The following OLFML2B variants were observed in gnomAD, a reference collection of about 807,000 sequenced individuals.
OLFML2B encodes the protein olfactomedin like 2B.
A neutral mutation model predicts 74.9 loss-of-function variants in OLFML2B; 57 were observed. The observed-to-expected ratio is 0.76, with a 90% CI of 0.61 to 0.95. OLFML2B has a LOEUF of 0.95. OLFML2B is among the 40% of genes least tolerant of loss of function. The pLI is 0.00. For missense variants in OLFML2B, 986 were observed against 970.6 expected, an observed-to-expected ratio of 1.02 and a Z score of -0.21; for synonymous variants, 388 against 405.8, an observed-to-expected ratio of 0.96 and a Z score of 0.53.
At chr1:162,015,683 A>C (rs1295512780) in intron 3 of OLFML2B, among the ~76,000 whole-genome samples, 4 of 152,226 alleles carry the variant, frequency 2.6e-5, no homozygotes, top group African/African-American at 7.2e-5. Flanking sequence ...GGTTTTAACT[A>C]GGAGGAAGAG....
chr1:161,987,591 C>T (rs1372281981), intron 6 of OLFML2B, among the ~76,000 whole-genome samples: 1 of 152,116 alleles, frequency 6.6e-6, no homozygotes, highest in African/African-American at 2.4e-5. Flanking sequence ...AAGAACCAGC[C>T]CTTCTGATAC....
chr1:162,009,455 C>T (rs1690315851), intron 3 of OLFML2B, among the ~76,000 whole-genome samples: 1 of 152,218 alleles, frequency 6.6e-6, no homozygotes, highest in African/African-American at 2.4e-5. Flanking sequence ...AAGGGTGCCC[C>T]CCCAACCCCG....
At chr1:162,005,902 C>CTAAAAAAAAAAAA (rs368990706) in intron 4 of OLFML2B, among the ~76,000 whole-genome samples, 1 of 77,878 alleles carries the variant, frequency 1.3e-5, no homozygotes, top group African/African-American at 3.4e-5. Context: ...TGGAACCTAT[C>CTAAAAAAAAAAAA]AAAAAAAAAA....
At chr1:161,998,381 C>G (rs759320872) in intron 5 of OLFML2B, 32 bp from the exon 6 acceptor site, 1 of 1,527,272 alleles carries the variant, frequency 6.5e-7, no homozygotes, top group African/African-American at 1.4e-5. Flanking sequence ...CACTGTGGCA[C>G]GGGAAAGAAA....
At chr1:162,010,909 T>C (rs1690361485) in intron 3 of OLFML2B, among the ~76,000 whole-genome samples, 1 of 151,810 alleles carries the variant, frequency 6.6e-6, no homozygotes, top group Non-Finnish European at 1.5e-5. Context: ...CAGAGATGGA[T>C]AAGGGGCTGC....
chr1:162,017,470 T>C lies in OLFML2B; in HGVS notation c.476A>G (p.Tyr159Cys), dbSNP rs1690572805. The change falls in exon 3 of 8, where the codon TAT becomes TGT. Residue 159 changes from tyrosine (Y) to cysteine (C), a missense_variant. By Grantham distance (194) the Tyr-to-Cys change is radical (BLOSUM62 -2). Coordinates refer to ENST00000294794, the MANE Select transcript of OLFML2B (RefSeq NM_015441.3). ...ATGTAGCTTCAGGAGATCCAGGCCA[T>C]AGAACGCTCCTTCCAACATGTCTAT... The part of the protein sequence containing the change: ...TIIDMLEGAF[Y>C]GLDLLKLHSV... The C allele has an allele frequency of 1.2e-6, 2 of 1,613,230 alleles. No individual in the cohort carries two copies. Among genetic ancestry groups the C allele is most frequent in the African/African-American group, 1.3e-5 (1 of 74,882 alleles).
At chr1:162,007,680 A>G (rs1431398670) in intron 3 of OLFML2B, among the ~76,000 whole-genome samples, 1 of 152,168 alleles carries the variant, frequency 6.6e-6, no homozygotes, top group East Asian at 1.9e-4. Flanking sequence ...GGATGCTACT[A>G]ACATCCTAGA....
At position 161,983,515 on chromosome 1, in the gene OLFML2B, T is replaced by TA. The variant is rs992234428; in HGVS notation, c.*159dup. On this transcript the variant is annotated 3_prime_UTR_variant, in exon 8 of 8. Transcript: ENST00000294794. ...CGTATGGATTGATCTACAATCCATA[T>TA]AAAAAAATAGACCCAAATTGTCATT... 1.3e-4 allele frequency: 99 copies of TA among 761,624 alleles called. No homozygotes were observed. The Middle Eastern group carries it at 4.3e-3, about 33-fold the overall frequency. The allele number at this position is 761,624 out of a possible 1,614,324, so 47.2% of individuals were successfully genotyped here.
rs986938422 is a variant in OLFML2B, at chr1:161,983,827, C to T, written c.2101G>A (p.Asp701Asn). 26 of 1,613,996 alleles carry T rather than the reference C, an allele frequency of 1.6e-5. No individual in the cohort carries two copies. The highest frequency in any genetic ancestry group is 2.2e-5 in the East Asian group (1 of 44,878). Reference protein sequence around the residue: ...QRNANISYAFDTHTNTQIVPR... With the variant: ...QRNANISYAFNTHTNTQIVPR... ...ACGATCTGTGTGTTGGTGTGGGTGT[C>T]GAAAGCGTAGGAGATGTTGGCATTC... The change falls in exon 8 of 8, where the codon GAC (aspartate) becomes AAC (asparagine). Residue 701 changes from aspartate (D) to asparagine (N), a missense_variant. Transcript: ENST00000294794.
intron 6 of OLFML2B, among the ~76,000 whole-genome samples, chr1:161,994,092 G>A (rs900686090): frequency 6.6e-6 from 1 of 152,226 alleles, no homozygotes; most frequent in African/African-American, 2.4e-5. Context: ...TGTGTTATAC[G>A]ATGACTGGAT....
At chr1:162,010,024 G>A (rs551711487) in intron 3 of OLFML2B, among the ~76,000 whole-genome samples, 1 of 152,254 alleles carries the variant, frequency 6.6e-6, no homozygotes, top group Non-Finnish European at 1.5e-5. Context: ...GGGCAGTGCT[G>A]GCAATGTGGC....
At chr1:162,005,444 G>A (rs553813321) in intron 4 of OLFML2B, among the ~76,000 whole-genome samples, 179 of 152,284 alleles carry the variant, frequency 1.2e-3, no homozygotes, top group Middle Eastern at 0.01. Flanking sequence ...ATTGATCTCC[G>A]TCTGGCCTGC....
intron 3 of OLFML2B, among the ~76,000 whole-genome samples, chr1:162,015,632 G>T (rs1240348312): frequency 6.6e-6 from 1 of 152,162 alleles, no homozygotes; most frequent in Non-Finnish European, 1.5e-5. Flanking sequence ...ATTGGACCTT[G>T]GTTTAATTCC....
chr1:162,022,717 C>T (rs1169035692), intron 1 of OLFML2B, among the ~76,000 whole-genome samples: 1 of 152,142 alleles, frequency 6.6e-6, no homozygotes, highest in African/African-American at 2.4e-5. Flanking sequence ...CTGCCTGCAT[C>T]TGCATTCCCA....
chr1:162,004,587 A>G (rs1182285931), intron 4 of OLFML2B, among the ~76,000 whole-genome samples: 1 of 152,132 alleles, frequency 6.6e-6, no homozygotes, highest in Non-Finnish European at 1.5e-5. Context: ...CCTTTGGAAC[A>G]TGTGTGCCCA....
In OLFML2B at chr1:162,006,444, A is replaced by C. The variant is rs12022536; in HGVS notation, c.576T>G (p.Asn192Lys). Residue 192 changes from asparagine (N) to lysine (K), a missense_variant, in exon 4 of 8, where the codon AAT (asparagine) becomes AAG (lysine). Physicochemically the swap from Asn to Lys is moderately conservative, Grantham distance 94 (BLOSUM62 0). Transcript: ENST00000294794. ...EEVSKNLTKE[N>K]EQIKEDMEEI... ...CTTCCATGTCCTCTTTGATTTGTTC[A>C]TTTTCCTTGGTGAGGTTTTTAGACA... 4 of 1,597,076 alleles carry C rather than the reference A, an allele frequency of 2.5e-6. No homozygotes were observed. Among genetic ancestry groups the C allele is most frequent in the East Asian group, 2.3e-5 (1 of 44,300 alleles).
chr1:162,023,297 A>G lies in OLFML2B; in HGVS notation c.134T>C (p.Leu45Pro). 6.3e-7 allele frequency: 1 copy of G among 1,583,186 alleles called. No individual in the cohort carries two copies. Among genetic ancestry groups the G allele is most frequent in the Non-Finnish European group, 8.6e-7 (1 of 1,161,126 alleles). ...CTCCTGGTTGTCCGCCTCGTTTTGC[A>G]GAGTCTCGTCCTCCGCAGGCGCCAC... ...QTVAPAEDET[L>P]QNEADNQENV... The change falls in exon 1 of 8, where the codon CTG (leucine) becomes CCG (proline). Residue 45 changes from leucine (L) to proline (P), a missense_variant. Physicochemically the swap from Leu to Pro is moderately conservative, Grantham distance 98. Coordinates refer to ENST00000294794, the MANE Select transcript of OLFML2B (RefSeq NM_015441.3).
intron 6 of OLFML2B, among the ~76,000 whole-genome samples, chr1:161,995,669 C>T (rs2490419): frequency 0.011 from 1,637 of 152,276 alleles, 20 homozygotes; most frequent in South Asian, 0.028. Flanking sequence ...AAGTCACCGA[C>T]GGAAGAGGCT....
intron 6 of OLFML2B, among the ~76,000 whole-genome samples, chr1:161,997,414 A>G (rs2101957027): frequency 6.6e-6 from 1 of 152,286 alleles, no homozygotes; most frequent in Non-Finnish European, 1.5e-5. Context: ...ACTCTACTAC[A>G]AATCTGAGAC....
Sources: allele counts gnomAD v4.1 joint callset (sites outside exome capture counted in the v4.1 genomes callset), GRCh38; gene constraint gnomAD v4.1.1; transcripts MANE v1.5; gene names NCBI Gene and HGNC (gene_info 2026-07-23, HGNC 2026-07-21).